ZMAT4: variants seen among roughly 807,000 people sequenced by gnomAD.
The protein encoded by ZMAT4 is zinc finger matrin-type 4.
Under a neutral mutation model 28.7 loss-of-function variants are expected in ZMAT4, and 17 were observed. That is an observed-to-expected ratio of 0.59 (90% confidence interval 0.41 to 0.89). The LOEUF (loss-of-function observed/expected upper bound fraction) is 0.89, where lower values mean the gene tolerates loss of function less well. Among genes scored for constraint, ZMAT4 ranks in the 40% least tolerant of loss-of-function variants. The pLI is 0.00. For missense variants in ZMAT4, 240 were observed against 283.8 expected, an observed-to-expected ratio of 0.85 and a Z score of 1.11; for synonymous variants, 117 against 109.2, an observed-to-expected ratio of 1.07 and a Z score of -0.44.
intron 5 of ZMAT4, among the ~76,000 whole-genome samples, chr8:40,626,809 AG>A (rs1242133461): frequency 2.0e-5 from 3 of 152,080 alleles, no homozygotes; most frequent in Non-Finnish European, 4.4e-5. Context: ...GGAGCTGGGG[AG>A]GGGGGCTGGA....
chr8:40,688,578 G>C (rs1447156611), intron 4 of ZMAT4, among the ~76,000 whole-genome samples: 2 of 152,094 alleles, frequency 1.3e-5, no homozygotes, highest in African/African-American at 4.8e-5. Flanking sequence ...ACCTTAGGTG[G>C]ATTTATGATT....
intron 4 of ZMAT4, among the ~76,000 whole-genome samples, chr8:40,690,434 G>T (rs1244479459): frequency 1.3e-5 from 2 of 152,146 alleles, no homozygotes; most frequent in Non-Finnish European, 2.9e-5. Context: ...TGGAACAAAT[G>T]CACTGATCTA....
At chr8:40,889,887 T>C (rs1422659288) in intron 1 of ZMAT4, among the ~76,000 whole-genome samples, 1 of 152,352 alleles carries the variant, frequency 6.6e-6, no homozygotes, top group East Asian at 1.9e-4. Flanking sequence ...TGCTGACTGG[T>C]TCAAAGAGTA....
At chr8:40,794,302 T>C (rs978400397) in intron 2 of ZMAT4, among the ~76,000 whole-genome samples, 3 of 152,110 alleles carry the variant, frequency 2.0e-5, no homozygotes, top group Non-Finnish European at 4.4e-5. Context: ...CCATGGGCAT[T>C]TGGAGGCATC....
At chr8:40,592,602 C>T (rs191458007) in intron 5 of ZMAT4, among the ~76,000 whole-genome samples, 8 of 152,142 alleles carry the variant, frequency 5.3e-5, no homozygotes, top group Admixed American at 2.0e-4. Context: ...TCCAAACAAA[C>T]GAAATCTAAA....
At chr8:40,545,281 T>C (rs1329720531) in intron 6 of ZMAT4, among the ~76,000 whole-genome samples, 1 of 152,160 alleles carries the variant, frequency 6.6e-6, no homozygotes, top group African/African-American at 2.4e-5. Context: ...AGAACCCAGT[T>C]ACACTATGCT....
chr8:40,559,726 C>T (rs919085209), intron 6 of ZMAT4, among the ~76,000 whole-genome samples: 1 of 152,114 alleles, frequency 6.6e-6, no homozygotes, highest in Non-Finnish European at 1.5e-5. Context: ...GGCACACACA[C>T]ACAAATACAC....
intron 3 of ZMAT4, among the ~76,000 whole-genome samples, chr8:40,702,139 C>T (rs1030657518): frequency 1.3e-5 from 2 of 152,162 alleles, no homozygotes; most frequent in African/African-American, 4.8e-5. Flanking sequence ...GATCCAACCC[C>T]TCAATCTTGG....
intron 3 of ZMAT4, among the ~76,000 whole-genome samples, chr8:40,740,402 CA>C (rs1482728267): frequency 6.6e-6 from 1 of 152,102 alleles, no homozygotes; most frequent in African/African-American, 2.4e-5. Flanking sequence ...ATGCATAAAG[CA>C]AAACGCACAG....
intron 3 of ZMAT4, among the ~76,000 whole-genome samples, chr8:40,720,954 T>C (rs1488611285): frequency 6.9e-6 from 1 of 144,336 alleles, no homozygotes; most frequent in South Asian, 2.2e-4. Context: ...TTTTTGTTTG[T>C]TTGTTTATTT....
intron 4 of ZMAT4, among the ~76,000 whole-genome samples, chr8:40,687,368 G>C (rs1413379834): frequency 2.0e-5 from 3 of 152,160 alleles, no homozygotes; most frequent in Non-Finnish European, 4.4e-5. Flanking sequence ...ACTGTCCCGG[G>C]GAGGGCGGTT....
chr8:40,737,198 TA>T (rs1486340394), intron 3 of ZMAT4, among the ~76,000 whole-genome samples: 1 of 137,780 alleles, frequency 7.3e-6, no homozygotes, highest in Admixed American at 7.0e-5. Flanking sequence ...CTTAAAACAT[TA>T]TGAGATTTTT....
intron 2 of ZMAT4, among the ~76,000 whole-genome samples, chr8:40,816,488 C>A (rs191049607): frequency 1.1e-4 from 16 of 151,856 alleles, no homozygotes; most frequent in Admixed American, 8.5e-4. Context: ...AACAAACAAA[C>A]AAAAAAACCC....
intron 2 of ZMAT4, among the ~76,000 whole-genome samples, chr8:40,787,749 C>A (rs954951479): frequency 5.9e-5 from 9 of 152,180 alleles, no homozygotes; most frequent in African/African-American, 2.2e-4. Flanking sequence ...ACCCACAGTG[C>A]AGAGACACTG....
chr8:40,839,550 A>G (rs1291127592), intron 1 of ZMAT4, among the ~76,000 whole-genome samples: 8 of 152,282 alleles, frequency 5.3e-5, no homozygotes, highest in Non-Finnish European at 4.4e-5. Flanking sequence ...ACTAGTCATG[A>G]CAGTGAATCG....
rs143984132 is a variant in ZMAT4 at position 40,772,542 on chromosome 8, G to A, written c.103-4812C>T. On this transcript the variant is annotated intron_variant, in intron 2 of 6. Coordinates refer to ENST00000297737, the MANE Select transcript of ZMAT4 (RefSeq NM_024645.3). Reference sequence around the variant, plus strand: ...CTACTGATTTCTGGTATCATAAAACGTGGCGATAACAAAGCAACCTTGTAT... The same window carrying A: ...CTACTGATTTCTGGTATCATAAAACATGGCGATAACAAAGCAACCTTGTAT... Among the ~76,000 whole-genome samples the A allele has an allele frequency of 3.0e-4, 46 of 152,270 alleles. No homozygotes were observed. The East Asian group carries it at 7.3e-3, about 24-fold the overall frequency.
intron 5 of ZMAT4, among the ~76,000 whole-genome samples, chr8:40,605,615 T>C (rs1214556984): frequency 6.6e-6 from 1 of 152,228 alleles, no homozygotes; most frequent in Admixed American, 6.5e-5. Flanking sequence ...TTCCATGTGC[T>C]GATGAATAGA....
At chr8:40,685,459 C>G (rs1809359977) in intron 4 of ZMAT4, among the ~76,000 whole-genome samples, 1 of 152,088 alleles carries the variant, frequency 6.6e-6, no homozygotes, top group Non-Finnish European at 1.5e-5. Context: ...GGAGCAGAAG[C>G]CTACTTAGAG....
chr8:40,853,582 A>G (rs1268063741), intron 1 of ZMAT4, among the ~76,000 whole-genome samples: 1 of 152,120 alleles, frequency 6.6e-6, no homozygotes, highest in Non-Finnish European at 1.5e-5. Flanking sequence ...AAAATAAATA[A>G]TTTCTACCAC....
Sources: gnomAD v4.1 joint callset for allele counts (sites outside exome capture counted in the v4.1 genomes callset) on GRCh38, gnomAD v4.1.1 for gene constraint, MANE v1.5 for transcripts, NCBI Gene and HGNC (gene_info 2026-07-23, HGNC 2026-07-21) for gene names.